The following PABIR2 variants were observed in gnomAD, a reference collection of about 807,000 sequenced individuals.
PABIR2 encodes family with sequence similarity 122B.
Under a neutral mutation model 22.8 loss-of-function variants are expected in PABIR2, and 7 were observed. The observed-to-expected ratio is 0.31, with a 90% CI of 0.17 to 0.58. The LOEUF (loss-of-function observed/expected upper bound fraction) is 0.58. PABIR2 is among the 20% of genes least tolerant of loss of function. PABIR2 has a pLI of 0.89. For missense variants in PABIR2, 155 were observed against 205.1 expected, an observed-to-expected ratio of 0.76 and a Z score of 1.49; for synonymous variants, 67 against 73.8, an observed-to-expected ratio of 0.91 and a Z score of 0.47.
At chrX:134,787,632 T>C in intron 6 of PABIR2, 99 bp from the exon 7 acceptor site, 1 of 741,695 alleles carries the variant, frequency 1.3e-6, no homozygotes. Context: ...TTTTTTTTTT[T>C]TTAGAGACAG....
chrX:134,786,695 C>T lies in PABIR2; in HGVS notation c.498-745G>A, dbSNP rs1405791126. On this transcript the variant is annotated intron_variant, in intron 7 of 9. Coordinates refer to ENST00000343004, the MANE Select transcript of PABIR2 (RefSeq NM_001387468.1). ...CTCTGGGGCTGGGCGCTGTGGCTCA[C>T]GCCTGTAATCCCAGTACTTTGGGAG... Among the ~76,000 whole-genome samples, 6 of 111,653 alleles carry T rather than the reference C, an allele frequency of 5.4e-5. No individual in the cohort carries two copies. In the East Asian group the frequency reaches 8.5e-4, roughly 16 times the overall value.
chrX:134,770,136 T>C lies in PABIR2; in HGVS notation c.*2003A>G, dbSNP rs769493911. On this transcript the variant is annotated 3_prime_UTR_variant, in exon 10 of 10. Coordinates refer to ENST00000343004, the MANE Select transcript of PABIR2 (RefSeq NM_001387468.1). ...TTCGAGCCTAAAAATGATGGCCAAG[T>C]GTCCCTTTAAGGCAAAGAAGACAGT... The C allele has an allele frequency of 8.9e-6, 1 of 112,372 alleles. No homozygotes were observed. The highest frequency in any genetic ancestry group is 2.8e-4 in the East Asian group (1 of 3,588). The allele number at this position is 112,372 out of a possible 1,213,427, so 9.3% of individuals were successfully genotyped here.
chrX:134,790,119 TG>T (rs1454699201), intron 2 of PABIR2, among the ~76,000 whole-genome samples: 1 of 112,582 alleles, frequency 8.9e-6, no homozygotes, highest in Non-Finnish European at 1.9e-5. Flanking sequence ...AAGGAGGTTT[TG>T]CTTTCACGAT....
At chrX:134,791,652 T>C in intron 2 of PABIR2, 1 of 330,478 alleles carries the variant, frequency 3.0e-6, no homozygotes, top group Non-Finnish European at 5.9e-6. Context: ...AGAAATGCCA[T>C]ATGTGAAGCT....
At chrX:134,790,569 C>T (rs1026646690) in intron 2 of PABIR2, among the ~76,000 whole-genome samples, 15 of 111,294 alleles carry the variant, frequency 1.3e-4, no homozygotes, top group African/African-American at 4.2e-4. Flanking sequence ...GACAGAGTTT[C>T]GCTCTTGTTG....
chrX:134,792,836 C>T (rs1218429619), intron 2 of PABIR2, among the ~76,000 whole-genome samples: 2 of 112,058 alleles, frequency 1.8e-5, no homozygotes, highest in African/African-American at 3.2e-5. Context: ...GTAGGTATTA[C>T]TAGAATTTAT....
Position 134,781,895 on chromosome X carries a change from C to T in PABIR2, c.585G>A (p.Gln195=), listed in dbSNP as rs888813219. Residue 195 remains glutamine (Q), a synonymous_variant, in exon 9 of 10, where the codon CAG becomes CAA. Coordinates refer to ENST00000343004, the MANE Select transcript of PABIR2 (RefSeq NM_001387468.1). The stretch of plus-strand genomic sequence containing the variant: ...TAGTGCCTTGGAAGAGTCTCTTGGG[C>T]TGACTTTCTGTCTCCATTTCACCTA... The part of the protein sequence containing the change: ...KRKGEMETES[Q]PKRLFQGTTN... The T allele has an allele frequency of 8.3e-7, 1 of 1,198,256 alleles. No homozygotes were observed. The highest frequency in any genetic ancestry group is 1.8e-5 in the African/African-American group (1 of 56,834).
intron 9 of PABIR2, among the ~76,000 whole-genome samples, chrX:134,776,351 C>G (rs1055669881): frequency 9.0e-5 from 10 of 111,413 alleles, no homozygotes; most frequent in Non-Finnish European, 1.5e-4. Context: ...GAAAGACTAT[C>G]ATTTAATCAT....
chrX:134,795,986 G>A (rs1000841775), intron 1 of PABIR2, 122 bp downstream of exon 1: 8 of 591,785 alleles, frequency 1.4e-5, no homozygotes, highest in African/African-American at 9.1e-5. Flanking sequence ...CAAACAAGTC[G>A]CCACCCCCTC....
At chrX:134,776,375 G>A (rs1193459574) in intron 9 of PABIR2, among the ~76,000 whole-genome samples, 2 of 111,125 alleles carry the variant, frequency 1.8e-5, no homozygotes, top group Non-Finnish European at 3.8e-5. Flanking sequence ...CGTATGGCCA[G>A]CAGCCCTGAA....
intron 8 of PABIR2, among the ~76,000 whole-genome samples, chrX:134,784,159 C>T (rs1281374031): frequency 1.8e-5 from 2 of 109,635 alleles, no homozygotes; most frequent in Non-Finnish European, 3.8e-5. Flanking sequence ...AGTCATATCC[C>T]CAGGAATAAT....
chrX:134,778,146 G>C lies in PABIR2; in HGVS notation c.659+3675C>G, dbSNP rs1245999682. Among the ~76,000 whole-genome samples the C allele has an allele frequency of 1.4e-4, 14 of 101,959 alleles. No individual in the cohort carries two copies. In the Admixed American group the frequency reaches 1.4e-3, roughly 11 times the overall value. The allele number at this position is 101,959 out of a possible 115,157, so 88.5% of individuals were successfully genotyped here. A position where few individuals can be genotyped will look rare whatever the true frequency, so the allele number is the denominator to read the frequency against. On this transcript the variant is annotated intron_variant, in intron 9 of 9. Transcript: ENST00000343004. The stretch of plus-strand genomic sequence containing the variant: ...CGACCTCAAGTGATCCGCCCACCTC[G>C]GCCTCCCAAAGTGTTGGGATTACAG...
chrX:134,789,650 G>A lies in PABIR2; in HGVS notation c.178-14C>T. 8.7e-7 allele frequency: 1 copy of A among 1,144,341 alleles called. No individual in the cohort carries two copies. The highest frequency in any genetic ancestry group is 1.2e-6 in the Non-Finnish European group (1 of 863,038). 94.3% of individuals were successfully genotyped at this position (1,144,341 alleles called of 1,213,427 possible). Reference sequence around the variant, plus strand: ...GGATGACAGCAACTGGAAAGAAAAAGTAAACATTTACTATTTTCTGAATCA... The same window carrying A: ...GGATGACAGCAACTGGAAAGAAAAAATAAACATTTACTATTTTCTGAATCA... On this transcript the variant is annotated splice_polypyrimidine_tract_variant and intron_variant, in intron 2 of 9. Transcript: ENST00000343004.
chrX:134,784,080 C>CACAA (rs1748723308), intron 8 of PABIR2, among the ~76,000 whole-genome samples: 1 of 48,434 alleles, frequency 2.1e-5, no homozygotes, highest in Non-Finnish European at 4.1e-5. Context: ...GACCTTGCCT[C>CACAA]AAAAAAAAAA....
intron 9 of PABIR2, among the ~76,000 whole-genome samples, chrX:134,776,453 A>G (rs2078979610): frequency 9.0e-6 from 1 of 111,001 alleles, no homozygotes; most frequent in Admixed American, 9.7e-5. Context: ...TGAAGAGCAG[A>G]TTAAGAGCTC....
intron 1 of PABIR2, 176 bp from the exon 2 acceptor site, chrX:134,794,069 T>A: frequency 1.4e-6 from 1 of 734,966 alleles, no homozygotes; most frequent in Non-Finnish European, 1.6e-6. Flanking sequence ...GCTTCCCAAG[T>A]GGTATGCTGT....
Position 134,771,445 on chromosome X carries a change from G to T in PABIR2, c.*694C>A. ...TGTGGTAGCAAAGTCATAAGAACCT[G>T]TGATGACTAATCCAAGCATCCTGTA... On this transcript the variant is annotated 3_prime_UTR_variant, in exon 10 of 10. Transcript: ENST00000343004. 1 of 1,089,419 alleles carries T rather than the reference G, an allele frequency of 9.2e-7. No homozygotes were observed. 89.8% of individuals were successfully genotyped at this position (1,089,419 alleles called of 1,213,427 possible). A position where few individuals can be genotyped will look rare whatever the true frequency, so the allele number is the denominator to read the frequency against.
chrX:134,789,232 G>A lies in PABIR2; in HGVS notation c.269C>T (p.Ala90Val). The change falls in exon 4 of 10, where the codon GCA becomes GTA. Residue 90 changes from alanine to valine, a missense_variant. Coordinates refer to ENST00000343004, the MANE Select transcript of PABIR2 (RefSeq NM_001387468.1). ...EGLDMVNRET[A>V]HEREMQTAMQ... ...CTTGCAAAGCACTAACCTTTCATGT[G>A]CAGTTTCTCTGTTCACCATATCCAG... 8.2e-7 allele frequency: 1 copy of A among 1,212,240 alleles called. No homozygotes were observed. Among genetic ancestry groups the A allele is most frequent in the Non-Finnish European group, 1.1e-6 (1 of 895,620 alleles).
chrX:134,787,587 G>A, intron 6 of PABIR2, 54 bp from the exon 7 acceptor site: 3 of 506,116 alleles, frequency 5.9e-6, no homozygotes, highest in Admixed American at 3.3e-5. Flanking sequence ...TATTAAAATA[G>A]TTCTAGCACT....
Sources: gnomAD v4.1 joint callset for allele counts (sites outside exome capture counted in the v4.1 genomes callset) on GRCh38, gnomAD v4.1.1 for gene constraint, MANE v1.5 for transcripts, NCBI Gene and HGNC (gene_info 2026-07-23, HGNC 2026-07-21) for gene names.